Variants in NRG1 observed in about 807,000 individuals in gnomAD.
NRG1 encodes pro-neuregulin-1, membrane-bound isoform.
In NRG1, 18 loss-of-function variants were observed where a neutral mutation model predicts 63.8. That is an observed-to-expected ratio of 0.28 (90% CI 0.19 to 0.42). NRG1 has a LOEUF of 0.42. NRG1 is among the 10% of genes least tolerant of loss of function. NRG1 has a pLI of 1.00. For missense variants in NRG1, 762 were observed against 814.7 expected (o/e 0.94, Z 0.79); for synonymous variants, 302 against 301.3 (o/e 1.00, Z -0.02).
At chr8:32,513,123 A>G (rs1369715054) in intron 1 of NRG1, among the ~76,000 whole-genome samples, 1 of 151,876 alleles carries the variant, frequency 6.6e-6, no homozygotes, top group African/African-American at 2.4e-5. Flanking sequence ...ATTCTGCATA[A>G]TAGTTTATTT....
intron 1 of NRG1, among the ~76,000 whole-genome samples, chr8:32,076,523 C>T (rs1303472192): frequency 6.6e-6 from 1 of 151,994 alleles, no homozygotes; most frequent in Non-Finnish European, 1.5e-5. Context: ...CAGGTTTTGA[C>T]TAAAATTCCA....
At chr8:31,981,300 T>G (rs1194765141) in intron 1 of NRG1, among the ~76,000 whole-genome samples, 8 of 152,006 alleles carry the variant, frequency 5.3e-5, no homozygotes, top group Admixed American at 3.3e-4. Context: ...GTAAACAACT[T>G]AGGAACTGCC....
intron 1 of NRG1, among the ~76,000 whole-genome samples, chr8:32,425,124 A>G (rs1245038806): frequency 6.6e-6 from 1 of 152,176 alleles, no homozygotes; most frequent in Non-Finnish European, 1.5e-5. Flanking sequence ...GGCAAGCACC[A>G]CTGAATATGA....
intron 1 of NRG1, among the ~76,000 whole-genome samples, chr8:31,853,523 G>C (rs1285714360): frequency 6.7e-5 from 10 of 150,088 alleles, no homozygotes; most frequent in Non-Finnish European, 1.2e-4. Context: ...TGAGACGATG[G>C]GGTTTTCTAG....
At chr8:32,254,715 A>G (rs1319098921) in intron 1 of NRG1, among the ~76,000 whole-genome samples, 3 of 152,126 alleles carry the variant, frequency 2.0e-5, no homozygotes, top group Admixed American at 1.3e-4. Flanking sequence ...GCTGAGTTCA[A>G]TGGAATATCC....
intron 1 of NRG1, among the ~76,000 whole-genome samples, chr8:31,944,488 C>T (rs367608617): frequency 1.5e-4 from 23 of 152,294 alleles, no homozygotes; most frequent in East Asian, 1.4e-3. Context: ...CTTAACTTTC[C>T]AAGTTAGTGC....
chr8:31,776,243 A>G (rs1382457442), intron 1 of NRG1, among the ~76,000 whole-genome samples: 1 of 152,156 alleles, frequency 6.6e-6, no homozygotes, highest in African/African-American at 2.4e-5. Flanking sequence ...GTCCATGCAA[A>G]ATGAAAAATA....
intron 1 of NRG1, among the ~76,000 whole-genome samples, chr8:31,742,582 G>T (rs1177211725): frequency 7.0e-6 from 1 of 143,722 alleles, no homozygotes; most frequent in Non-Finnish European, 1.5e-5. Flanking sequence ...TCCCTATCAT[G>T]TCTTGTACTA....
intron 1 of NRG1, among the ~76,000 whole-genome samples, chr8:31,903,600 A>G (rs918762590): frequency 2.6e-5 from 4 of 152,172 alleles, no homozygotes; most frequent in Non-Finnish European, 4.4e-5. Context: ...AGACAATAAC[A>G]AGATAATATG....
chr8:32,196,943 CTTTTTTTTTTTTTTT>C (rs773398472), intron 1 of NRG1, among the ~76,000 whole-genome samples: 910 of 27,488 alleles, frequency 0.033, 38 homozygotes, highest in African/African-American at 0.087. Context: ...TCAGAACATT[CTTTTTTTTTTTTTTT>C]TTTTTTTTTT....
At chr8:32,659,521 T>A (rs2128871254) in intron 5 of NRG1, among the ~76,000 whole-genome samples, 1 of 152,326 alleles carries the variant, frequency 6.6e-6, no homozygotes, top group South Asian at 2.1e-4. Context: ...ACTACTAAAT[T>A]AGTCAGTGGG....
intron 1 of NRG1, among the ~76,000 whole-genome samples, chr8:32,329,063 A>G (rs1802338844): frequency 6.6e-6 from 1 of 152,162 alleles, no homozygotes. Context: ...CAACCTCTCC[A>G]GCTCAAGCGA....
At chr8:32,525,044 G>C (rs1272662141) in intron 1 of NRG1, among the ~76,000 whole-genome samples, 2 of 152,172 alleles carry the variant, frequency 1.3e-5, no homozygotes, top group Admixed American at 6.5e-5. Context: ...ATTTACCGCT[G>C]AAACCTTGAG....
intron 1 of NRG1, among the ~76,000 whole-genome samples, chr8:32,137,311 G>A (rs1439940434): frequency 2.0e-5 from 3 of 152,068 alleles, no homozygotes; most frequent in Non-Finnish European, 4.4e-5. Context: ...GCCTGGTGGT[G>A]CATGCCTGTA....
rs529817262 is a variant in NRG1 at position 31,659,430 on chromosome 8, C to G, written c.37+19999C>G. On this transcript the variant is annotated intron_variant, in intron 1 of 10. Transcript: ENST00000519301. ...AGCATCTGGGAACCATGCAACCATGCGACAAGAGGTGATGCAGGGAAGCTG... is the reference window on the plus strand; with the variant it reads ...AGCATCTGGGAACCATGCAACCATGGGACAAGAGGTGATGCAGGGAAGCTG... Among the ~76,000 whole-genome samples, 5 of 152,208 alleles carry G rather than the reference C, an allele frequency of 3.3e-5. No homozygotes were observed. In the South Asian group the frequency reaches 1.0e-3, roughly 32 times the overall value.
chr8:32,177,090 A>G (rs1840848142), intron 1 of NRG1, among the ~76,000 whole-genome samples: 2 of 152,194 alleles, frequency 1.3e-5, no homozygotes, highest in African/African-American at 2.4e-5. Context: ...AATGCCCAAC[A>G]ATGATAGACT....
rs117261722 is a variant in NRG1, at chr8:31,669,641, T to A, written c.37+30210T>A. On this transcript the variant is annotated intron_variant, in intron 1 of 10. Coordinates refer to the NRG1 transcript ENST00000519301. The stretch of plus-strand genomic sequence containing the variant: ...GTCTCAGTCTCCCATGTGGACAGTC[T>A]GTGGTTTTTTGGCATCACCGTCACT... Among the ~76,000 whole-genome samples the A allele has an allele frequency of 7.3e-3, 1,108 of 152,320 alleles. 45 individuals carry two copies. The South Asian group carries it at 0.12, about 16-fold the overall frequency.
chr8:32,654,682 G>A (rs1027577641), intron 5 of NRG1, among the ~76,000 whole-genome samples: 6 of 77,834 alleles, frequency 7.7e-5, no homozygotes, highest in South Asian at 7.1e-4. Context: ...ACACCCCTCC[G>A]GAGGCTGGAC....
At chr8:32,673,922 G>T (rs1806367448) in intron 5 of NRG1, among the ~76,000 whole-genome samples, 1 of 152,134 alleles carries the variant, frequency 6.6e-6, no homozygotes, top group African/African-American at 2.4e-5. Context: ...CTGGAAAAAT[G>T]CCACAACATG....
Sources: gnomAD v4.1 joint callset for allele counts (sites outside exome capture counted in the v4.1 genomes callset) on GRCh38, gnomAD v4.1.1 for gene constraint, MANE v1.5 for transcripts, NCBI Gene and HGNC (gene_info 2026-07-23, HGNC 2026-07-21) for gene names.